The following GRM8 variants were observed in gnomAD, a reference collection of about 807,000 sequenced individuals.
The protein encoded by GRM8 is metabotropic glutamate receptor 8.
GRM8 carries 47 observed loss-of-function variants against 87.2 expected under a neutral mutation model. The ratio of observed to expected loss-of-function variants is 0.54; its 90% CI spans 0.43 to 0.69. The LOEUF is 0.69. Among genes scored for constraint, GRM8 ranks in the 30% least tolerant of loss-of-function variants. The pLI is 0.00. For synonymous variants in GRM8, 396 were observed against 404.5 expected, an observed-to-expected ratio of 0.98 and a Z score of 0.25; for missense variants, 1,019 against 1,139.2, an observed-to-expected ratio of 0.89 and a Z score of 1.52.
chr7:126,906,283 C>T (rs190230751), intron 3 of GRM8, among the ~76,000 whole-genome samples: 3 of 152,060 alleles, frequency 2.0e-5, no homozygotes, highest in African/African-American at 4.8e-5. Flanking sequence ...AAATAAATTA[C>T]TATTGATTAA....
At chr7:126,945,063 G>C (rs1340994189) in intron 3 of GRM8, among the ~76,000 whole-genome samples, 2 of 152,098 alleles carry the variant, frequency 1.3e-5, no homozygotes, top group African/African-American at 4.8e-5. Flanking sequence ...AAAATATCTA[G>C]TAAAGGTGAA....
Position 126,788,708 on chromosome 7 carries a change from C to T in GRM8, c.1157-18643G>A, listed in dbSNP as rs78038977. Among the ~76,000 whole-genome samples, 213 of 150,516 alleles carry T rather than the reference C, an allele frequency of 1.4e-3. 1 individual carries two copies. The highest frequency in any genetic ancestry group is 5.0e-3 in the African/African-American group (204 of 40,922). On this transcript the variant is annotated intron_variant, in intron 6 of 10. Transcript: ENST00000339582. ...TACAATTAGCAGCAAACCACGAGAG[C>T]GTTTAATTAGACCTAGACTCTAGGA...
intron 3 of GRM8, among the ~76,000 whole-genome samples, chr7:127,047,880 TTAAA>T (rs1484454672): frequency 5.3e-5 from 8 of 152,164 alleles, no homozygotes; most frequent in African/African-American, 9.7e-5. Flanking sequence ...CTTCCTTTGA[TTAAA>T]TAAACAATAA....
intron 8 of GRM8, among the ~76,000 whole-genome samples, chr7:126,553,823 A>G (rs1423565730): frequency 2.0e-5 from 3 of 152,216 alleles, no homozygotes; most frequent in East Asian, 1.9e-4. Context: ...AAGCAATTCA[A>G]TGATAGCTTA....
At chr7:127,179,725 TTAAA>T (rs1289435189) in intron 2 of GRM8, among the ~76,000 whole-genome samples, 9 of 152,054 alleles carry the variant, frequency 5.9e-5, no homozygotes, top group Non-Finnish European at 1.0e-4. Flanking sequence ...TGCATGGAAA[TTAAA>T]TAACCTGTTC....
At chr7:126,632,882 T>C (rs12532564) in intron 7 of GRM8, among the ~76,000 whole-genome samples, 46,836 of 151,838 alleles carry the variant, frequency 0.31, 8,073 homozygotes, top group East Asian at 0.43. Context: ...GCCTGTCAGA[T>C]GGTAGAGGAT....
At position 127,015,176 on chromosome 7, in the gene GRM8, GAGAAGAAGAAGAAGAAGAAGAAGA is replaced by G. The variant is rs778849282; in HGVS notation, c.727+91296_727+91319del. ...GAAGAAGGAGAAGGAGAAGGAGAAG[GAGAAGAAGAAGAAGAAGAAGAAGA>G]AGAAGAAGAAGAAGAAGAAGAAGAA... On this transcript the variant is annotated intron_variant, in intron 3 of 10. Coordinates refer to ENST00000339582, the MANE Select transcript of GRM8 (RefSeq NM_000845.3). 9.1e-3 allele frequency among the ~76,000 whole-genome samples: 793 copies of G among 86,724 alleles called. 10 individuals carry two copies. The highest frequency in any genetic ancestry group is 0.031 in the East Asian group (68 of 2,222). The allele number at this position is 86,724 out of a possible 152,430, so 56.9% of individuals were successfully genotyped here.
intron 3 of GRM8, among the ~76,000 whole-genome samples, chr7:126,948,727 A>C (rs1479765806): frequency 6.6e-6 from 1 of 152,126 alleles, no homozygotes; most frequent in East Asian, 1.9e-4. Context: ...GCCATTCATC[A>C]TCAATGACGC....
chr7:127,072,903 C>T (rs760064876), intron 3 of GRM8, among the ~76,000 whole-genome samples: 35 of 151,812 alleles, frequency 2.3e-4, no homozygotes, highest in Non-Finnish European at 1.3e-4. Flanking sequence ...TTTGACAAGG[C>T]ACCAGGAGAG....
chr7:126,587,010 G>A (rs1039960657), intron 8 of GRM8, among the ~76,000 whole-genome samples: 17 of 152,114 alleles, frequency 1.1e-4, no homozygotes, highest in African/African-American at 4.1e-4. Flanking sequence ...TCAAAAACTG[G>A]GTGAAGGATA....
intron 6 of GRM8, among the ~76,000 whole-genome samples, chr7:126,818,448 T>C (rs1337369415): frequency 6.6e-6 from 1 of 152,208 alleles, no homozygotes; most frequent in Non-Finnish European, 1.5e-5. Context: ...AAGATATAAT[T>C]GCAGGAGACA....
intron 3 of GRM8, among the ~76,000 whole-genome samples, chr7:127,064,732 A>C (rs1820942834): frequency 6.6e-6 from 1 of 152,244 alleles, no homozygotes; most frequent in Non-Finnish European, 1.5e-5. Context: ...TTCTCAAAAG[A>C]AGACATAAAT....
intron 7 of GRM8, among the ~76,000 whole-genome samples, chr7:126,765,349 A>G (rs570519194): frequency 1.3e-4 from 20 of 152,094 alleles, no homozygotes; most frequent in African/African-American, 4.6e-4. Flanking sequence ...CGGTTTCCTG[A>G]TGCACATTCA....
chr7:127,247,963 G>T (rs534542943), intron 1 of GRM8, among the ~76,000 whole-genome samples: 8 of 152,094 alleles, frequency 5.3e-5, no homozygotes, highest in Non-Finnish European at 1.0e-4. Context: ...ATCTGATACA[G>T]GAGAAGCTCG....
chr7:127,141,816 C>G lies in GRM8; in HGVS notation c.511-35104G>C, dbSNP rs1258091210. ...CCTCTGCCTTTATGGAGATCTACAT[C>G]CAAACCAGCTCAGGCACAGACCAAG... is the stretch of plus-strand genomic sequence containing the variant. On this transcript the variant is annotated intron_variant, in intron 2 of 10. Transcript: ENST00000339582. Among the ~76,000 whole-genome samples, 4 of 152,106 alleles carry G rather than the reference C, an allele frequency of 2.6e-5. No individual in the cohort carries two copies. The East Asian group carries it at 5.8e-4, about 22-fold the overall frequency.
intron 7 of GRM8, among the ~76,000 whole-genome samples, chr7:126,640,416 A>G (rs1231745947): frequency 6.6e-6 from 1 of 152,228 alleles, no homozygotes; most frequent in African/African-American, 2.4e-5. Context: ...TTTATTTTCT[A>G]GAATTATATC....
intron 9 of GRM8, among the ~76,000 whole-genome samples, chr7:126,477,462 G>A (rs577679511): frequency 1.3e-5 from 2 of 151,942 alleles, no homozygotes; most frequent in East Asian, 3.9e-4. Context: ...TTTCCACAGT[G>A]TATACATGTA....
chr7:127,037,530 C>G (rs955084096), intron 3 of GRM8, among the ~76,000 whole-genome samples: 1 of 152,190 alleles, frequency 6.6e-6, no homozygotes. Flanking sequence ...CACAACTTAC[C>G]TGGCATTCTG....
chr7:127,004,179 C>A (rs1029779403), intron 3 of GRM8, among the ~76,000 whole-genome samples: 5 of 151,538 alleles, frequency 3.3e-5, no homozygotes, highest in African/African-American at 1.2e-4. Context: ...AAATTCACCA[C>A]AAATACTTTA....
Sources: gnomAD v4.1 joint callset for allele counts (sites outside exome capture counted in the v4.1 genomes callset) on GRCh38, gnomAD v4.1.1 for gene constraint, MANE v1.5 for transcripts, NCBI Gene and HGNC (gene_info 2026-07-23, HGNC 2026-07-21) for gene names.